Variants in EXTL3 observed in about 807,000 individuals in gnomAD.
EXTL3 encodes exostosin like glycosyltransferase 3.
In EXTL3, 27 loss-of-function variants were observed where a neutral mutation model predicts 69.3. The ratio of observed to expected loss-of-function variants is 0.39; its 90% CI spans 0.29 to 0.54. The LOEUF is 0.54. Ranked by LOEUF, EXTL3 falls within the 20% of genes least tolerant of loss-of-function variation. The pLI is 0.69. For missense variants in EXTL3, 1,003 were observed against 1,231.8 expected, an observed-to-expected ratio of 0.81 and a Z score of 2.78; for synonymous variants, 511 against 499.4, an observed-to-expected ratio of 1.02 and a Z score of -0.31.
At chr8:28,742,957 C>T (rs1585296624) in intron 5 of EXTL3, 129 bp from the exon 6 acceptor site, 4 of 954,956 alleles carry the variant, frequency 4.2e-6, no homozygotes, top group Non-Finnish European at 1.7e-6. Flanking sequence ...GCCCCAGTCC[C>T]TAAGTGCCAG....
At chr8:28,635,859 G>A (rs1312736102) in intron 1 of EXTL3, among the ~76,000 whole-genome samples, 1 of 152,112 alleles carries the variant, frequency 6.6e-6, no homozygotes, top group Non-Finnish European at 1.5e-5. Context: ...CAACAACTTT[G>A]TTGATGATAA....
At chr8:28,698,327 T>G (rs184657444), upstream of EXTL3, 45 of 152,266 alleles carry the variant, frequency 3.0e-4, 1 homozygote, top group African/African-American at 1.1e-3. Flanking sequence ...TGGGATATAT[T>G]AAATTTAAGG....
At chr8:28,637,649 AATCT>A (rs57668676) in intron 1 of EXTL3, among the ~76,000 whole-genome samples, 30,944 of 151,334 alleles carry the variant, frequency 0.2, 3,864 homozygotes, top group Non-Finnish European at 0.28. Context: ...AAAAACAATC[AATCT>A]GTGGATTGGC....
intron 1 of EXTL3, among the ~76,000 whole-genome samples, chr8:28,668,475 C>A (rs1807234471): frequency 6.6e-6 from 1 of 151,408 alleles, no homozygotes; most frequent in South Asian, 2.1e-4. Flanking sequence ...GGGATTACAG[C>A]CACAGTGCCC....
upstream of EXTL3, chr8:28,701,139 C>T (rs538943971): frequency 2.0e-5 from 3 of 152,404 alleles, no homozygotes; most frequent in South Asian, 6.2e-4. Context: ...GGATTTATGA[C>T]TTGACTTTCC....
intron 1 of EXTL3, among the ~76,000 whole-genome samples, chr8:28,634,097 C>G (rs1177187111): frequency 6.6e-6 from 1 of 152,240 alleles, no homozygotes; most frequent in Non-Finnish European, 1.5e-5. Flanking sequence ...CCAAGCCCAT[C>G]TGGGGCCAGA....
At chr8:28,635,780 G>A (rs1378083314) in intron 1 of EXTL3, among the ~76,000 whole-genome samples, 1 of 150,310 alleles carries the variant, frequency 6.7e-6, no homozygotes, top group African/African-American at 2.4e-5. Flanking sequence ...ACCTCTCCAA[G>A]GACTTCCAGC....
intron 1 of EXTL3, among the ~76,000 whole-genome samples, chr8:28,685,624 G>A (rs978325235): frequency 4.6e-5 from 7 of 151,902 alleles, no homozygotes; most frequent in Non-Finnish European, 7.4e-5. Context: ...CACCCTGCCC[G>A]TCCTTTCTTT....
intron 1 of EXTL3, among the ~76,000 whole-genome samples, chr8:28,704,941 G>A (rs1001801672): frequency 3.3e-5 from 5 of 152,194 alleles, no homozygotes; most frequent in East Asian, 1.9e-4. Flanking sequence ...GGCTTGAGCC[G>A]CCGCATCCGG....
intron 4 of EXTL3, among the ~76,000 whole-genome samples, chr8:28,734,018 A>G (rs1376840656): frequency 6.6e-6 from 1 of 151,392 alleles, no homozygotes; most frequent in African/African-American, 2.4e-5. Flanking sequence ...GGGTTTCACC[A>G]TGTTGGTCAG....
intron 1 of EXTL3, among the ~76,000 whole-genome samples, chr8:28,667,563 G>C (rs1458241765): frequency 1.3e-5 from 2 of 152,144 alleles, no homozygotes; most frequent in Non-Finnish European, 2.9e-5. Context: ...TTTCCTTAAA[G>C]CTTACTCAGC....
At chr8:28,683,769 C>T (rs1807530162) in intron 1 of EXTL3, among the ~76,000 whole-genome samples, 1 of 151,916 alleles carries the variant, frequency 6.6e-6, no homozygotes, top group South Asian at 2.1e-4. Context: ...GAGATTGCCC[C>T]ACTGCACTCC....
intron 1 of EXTL3, among the ~76,000 whole-genome samples, chr8:28,691,627 G>T (rs893091556): frequency 1.4e-5 from 2 of 146,086 alleles, no homozygotes; most frequent in East Asian, 3.9e-4. Flanking sequence ...GCCGGGCACG[G>T]TGGCTCACGC....
chr8:28,612,581 C>A (rs1356223488), intron 2 of EXTL3, among the ~76,000 whole-genome samples: 4 of 152,070 alleles, frequency 2.6e-5, no homozygotes, highest in African/African-American at 9.7e-5. Flanking sequence ...TTATTACTAT[C>A]TTCTTAATTT....
chr8:28,702,835 G>T (rs916019132), intron 1 of EXTL3, among the ~76,000 whole-genome samples: 35 of 152,116 alleles, frequency 2.3e-4, no homozygotes, highest in African/African-American at 4.8e-4. Context: ...GTTTTTAAAG[G>T]CTTTGTGTGT....
At chr8:28,617,801 C>T (rs562929247), upstream of EXTL3, among the ~76,000 whole-genome samples, 24 of 152,164 alleles carry the variant, frequency 1.6e-4, 1 homozygote, top group South Asian at 5.0e-3. Flanking sequence ...CCAAAATCAA[C>T]AACAATAAAA....
chr8:28,635,715 C>CCACACACACA (rs146671194), intron 1 of EXTL3, among the ~76,000 whole-genome samples: 190 of 142,814 alleles, frequency 1.3e-3, no homozygotes, highest in East Asian at 0.01. Context: ...CCCCACAACT[C>CCACACACACA]CACACACACA....
rs1806441378 is a variant in EXTL3 at position 28,623,186 on chromosome 8, AC to A, written c.-53+380del. Among the ~76,000 whole-genome samples, 1 of 151,742 alleles carries A rather than the reference AC, an allele frequency of 6.6e-6. No individual in the cohort carries two copies. The highest frequency in any genetic ancestry group is 1.5e-5 in the Non-Finnish European group (1 of 67,924). The stretch of plus-strand genomic sequence containing the variant: ...TATCACACTGTGGGCGGGGGTCCCG[AC>A]CCCTGCTGCCTCGGGTACGGGGTAA... On this transcript the variant is annotated intron_variant, in intron 1 of 6. Transcript: ENST00000523149. This position sits in a 1 kb window ranked among gnomAD's most constrained non-coding sequence, Gnocchi z 4.2.
chr8:28,741,242 A>G (rs998414583), intron 5 of EXTL3: 2 of 152,222 alleles, frequency 1.3e-5, no homozygotes, highest in African/African-American at 4.8e-5. Flanking sequence ...ACTGATGGAA[A>G]TACCTCTGAA....
Sources: allele counts gnomAD v4.1 joint callset (sites outside exome capture counted in the v4.1 genomes callset), GRCh38; gene constraint gnomAD v4.1.1; non-coding constraint Gnocchi (gnomAD v3.1); transcripts MANE v1.5; gene names NCBI Gene and HGNC (gene_info 2026-07-23, HGNC 2026-07-21).